The following HDHD3 variants were observed in gnomAD, a reference collection of about 807,000 sequenced individuals.
The protein encoded by HDHD3 is haloacid dehalogenase-like hydrolase domain-containing protein 3.
HDHD3 carries 6 observed loss-of-function variants against 6.9 expected under a neutral mutation model. That is an observed-to-expected ratio of 0.87 (90% confidence interval 0.48 to 1.72). The LOEUF (loss-of-function observed/expected upper bound fraction) is 1.72, where lower values mean the gene tolerates loss of function less well. Ranked by LOEUF, HDHD3 falls within the 40% of genes most tolerant of loss-of-function variation. The probability of loss-of-function intolerance (pLI) is 0.01; values close to 1 mark genes in which losing one functional copy is unlikely to be tolerated. For missense variants in HDHD3, 308 were observed against 327.4 expected (o/e 0.94, Z 0.46); for synonymous variants, 139 against 140.7 (o/e 0.99, Z 0.08).
At chr9:113,376,598 C>CCCCCCCCCCCCCCCCCCG (rs1834471994) in intron 1 of HDHD3, 131 bp downstream of exon 1, 1 of 148,778 alleles carries the variant, frequency 6.7e-6, no homozygotes, top group African/African-American at 2.5e-5. Context: ...CCTCCCCCGC[C>CCCCCCCCCCCCCCCCCCG]CCACCCCGCC....
At position 113,373,741 on chromosome 9, in the gene HDHD3, C is replaced by T; in HGVS notation, c.614G>A (p.Gly205Asp). The change falls in exon 3 of 3, where the codon GGC (glycine) becomes GAC (aspartate). Residue 205 changes from glycine to aspartate, a missense_variant. Physicochemically the swap from Gly to Asp is moderately conservative, Grantham distance 94. Transcript: ENST00000374180. Reference protein sequence around the residue: ...LCDYQGPRAVGMHSFLVVGPQ... With the variant: ...LCDYQGPRAVDMHSFLVVGPQ... The stretch of plus-strand genomic sequence containing the variant: ...GCCAACCACCAGGAAGCTGTGCATG[C>T]CCACAGCCCGAGGCCCCTGGTAATC... 1.2e-6 allele frequency: 2 copies of T among 1,613,858 alleles called. No individual in the cohort carries two copies. The highest frequency in any genetic ancestry group is 1.7e-6 in the Non-Finnish European group (2 of 1,179,836).
intron 2 of HDHD3, among the ~76,000 whole-genome samples, chr9:113,374,874 A>G (rs776581602): frequency 2.0e-5 from 3 of 151,032 alleles, no homozygotes; most frequent in African/African-American, 7.3e-5. Context: ...CTTTTTATTT[A>G]TTTTTTTTAA....
Position 113,373,520 on chromosome 9 carries a change from A to G in HDHD3, c.*79T>C. The stretch of plus-strand genomic sequence containing the variant: ...GGGGGAAAGGTCCAGAGCTGTGGAG[A>G]AAGAAGGGGCTCCCTGTCTCCAGGG... On this transcript the variant is annotated 3_prime_UTR_variant, in exon 3 of 3. Transcript: ENST00000374180. 6.9e-7 allele frequency: 1 copy of G among 1,443,384 alleles called. No homozygotes were observed. Among genetic ancestry groups the G allele is most frequent in the Non-Finnish European group, 9.3e-7 (1 of 1,079,762 alleles). The allele number at this position is 1,443,384 out of a possible 1,614,324, so 89.4% of individuals were successfully genotyped here.
At chr9:113,375,682 T>G (rs948704120) in intron 1 of HDHD3, 115 bp from the exon 2 acceptor site, 2 of 152,308 alleles carry the variant, frequency 1.3e-5, no homozygotes, top group Non-Finnish European at 2.9e-5. Flanking sequence ...GGAGGAGAGC[T>G]GATGAGAGAA....
In HDHD3 at chr9:113,373,916, C is replaced by T; in HGVS notation, c.439G>A (p.Gly147Ser). 1.9e-6 allele frequency: 3 copies of T among 1,614,230 alleles called. No individual in the cohort carries two copies. The highest frequency in any genetic ancestry group is 2.5e-6 in the Non-Finnish European group (3 of 1,180,044). Residue 147 changes from glycine (G) to serine (S), a missense_variant, in exon 3 of 3, where the codon GGC (glycine) becomes AGC (serine). By Grantham distance (56) the Gly-to-Ser change is moderately conservative. Transcript: ENST00000374180. ...FDRRLEGILGGLGLREHFDFV... is the reference protein window; with the variant it reads ...FDRRLEGILGSLGLREHFDFV... ...TCGAAGTGTTCACGCAGGCCAAGGC[C>T]CCCCAGGATGCCCTCTAGCCGTCGG...
rs2118946600 is a variant in HDHD3, at chr9:113,373,437, T to G, written c.*162A>C. The G allele has an allele frequency of 1.5e-6, 1 of 668,306 alleles. No individual in the cohort carries two copies. Among genetic ancestry groups the G allele is most frequent in the South Asian group, 2.8e-5 (1 of 36,036 alleles). The allele number at this position is 668,306 out of a possible 1,614,324, so 41.4% of individuals were successfully genotyped here. ...TAGGAGCTGGTTAGTGGGGGAAGGG[T>G]GAGAGCTCAGCACTCACTGCTTTAT... On this transcript the variant is annotated 3_prime_UTR_variant, in exon 3 of 3. Transcript: ENST00000374180.
chr9:113,374,426 A>G lies in HDHD3; in HGVS notation c.-72T>C, dbSNP rs1353064138. ...GTCCCAGGGGAAGCTGAGCTGGATA[A>G]GACCACCTCTGCGCAACCTAACAAT... On this transcript the variant is annotated 5_prime_UTR_variant, in exon 3 of 3. Transcript: ENST00000374180. 3 of 1,399,152 alleles carry G rather than the reference A, an allele frequency of 2.1e-6. No homozygotes were observed. The East Asian group carries it at 7.1e-5, about 33-fold the overall frequency. 86.7% of individuals were successfully genotyped at this position (1,399,152 alleles called of 1,614,324 possible).
chr9:113,376,549 A>G (rs1215677550), intron 1 of HDHD3, among the ~76,000 whole-genome samples, 180 bp downstream of exon 1: 2 of 146,558 alleles, frequency 1.4e-5, no homozygotes, highest in African/African-American at 2.6e-5. Flanking sequence ...GGTTTCAACT[A>G]TGTTAGCCAG....
Position 113,374,492 on chromosome 9 carries a change from C to T in HDHD3, c.-138G>A. On this transcript the variant is annotated 5_prime_UTR_variant, in exon 3 of 3. The change abolishes an upstream ATG in the 5' untranslated region. Coordinates refer to ENST00000374180, the MANE Select transcript of HDHD3 (RefSeq NM_001304509.2). ...CTTGTGGGTCAGATTTGCTGGCTAA[C>T]ATGAAGCACTTGGGAAATGTCTTCA... 1.5e-6 allele frequency: 1 copy of T among 679,968 alleles called. No individual in the cohort carries two copies. Among genetic ancestry groups the T allele is most frequent in the Non-Finnish European group, 2.2e-6 (1 of 447,456 alleles). 42.1% of individuals were successfully genotyped at this position (679,968 alleles called of 1,614,324 possible). A position where few individuals can be genotyped will look rare whatever the true frequency, so the allele number is the denominator to read the frequency against.
At chr9:113,376,125 C>T (rs1834454619) in intron 1 of HDHD3, 1 of 144,578 alleles carries the variant, frequency 6.9e-6, no homozygotes, top group South Asian at 2.2e-4. Context: ...GGCGCGATCT[C>T]GGCTCACTGC....
At chr9:113,374,908 C>G (rs1481348603) in intron 2 of HDHD3, among the ~76,000 whole-genome samples, 2 of 149,052 alleles carry the variant, frequency 1.3e-5, no homozygotes, top group Non-Finnish European at 3.0e-5. Flanking sequence ...CAGGGTCTCT[C>G]TCTGTCTCCC....
rs763106655 is a variant in HDHD3 at position 113,374,123 on chromosome 9, C to T, written c.232G>A (p.Val78Met). ...GLTSRQWWLD[V>M]VLQTFHLAGV... The stretch of plus-strand genomic sequence containing the variant: ...GCCAGGTGGAAGGTCTGCAGGACCA[C>T]ATCCAGCCACCACTGGCGGGAGGTT... The change falls in exon 3 of 3, where the codon GTG becomes ATG. Residue 78 changes from valine (V) to methionine (M), a missense_variant. Transcript: ENST00000374180. The T allele has an allele frequency of 6.2e-7, 1 of 1,600,580 alleles. No individual in the cohort carries two copies.
intron 1 of HDHD3, 152 bp from the exon 2 acceptor site, chr9:113,375,719 ACT>A (rs1834443164): frequency 6.6e-6 from 1 of 152,192 alleles, no homozygotes; most frequent in African/African-American, 2.4e-5. Flanking sequence ...GAAACAAGTG[ACT>A]CAGCCTGCTA....
intron 1 of HDHD3, among the ~76,000 whole-genome samples, 184 bp downstream of exon 1, chr9:113,376,544 CA>C (rs371783347): frequency 0.24 from 29,669 of 121,396 alleles, 3,892 homozygotes; most frequent in East Asian, 0.43. Context: ...GACGGGGTTT[CA>C]ACTATGTTAG....
chr9:113,374,171 T>C lies in HDHD3; in HGVS notation c.184A>G (p.Asn62Asp), dbSNP rs199533103. ...GTTAGGCCGTGGCTCAGGCCGTAGT[T>C]GGGGAAGCTGTGGCTCTGAGCCCTG... ...AYRAQSHSFP[N>D]YGLSHGLTSR... The change falls in exon 3 of 3, where the codon AAC becomes GAC. Residue 62 changes from asparagine to aspartate, a missense_variant. Asn to Asp is a conservative substitution (Grantham distance 23, BLOSUM62 1). Transcript: ENST00000374180. 6.3e-7 allele frequency: 1 copy of C among 1,596,526 alleles called. No individual in the cohort carries two copies.
Position 113,374,215 on chromosome 9 carries a change from T to C in HDHD3, c.140A>G (p.Gln47Arg), listed in dbSNP as rs868499644. Reference sequence around the variant, plus strand: ...AGCCCTGTATGCCTGCCTGAAGCCTTGTTCCAGGGCTGAGGGCTCCACCTC... The same window carrying C: ...AGCCCTGTATGCCTGCCTGAAGCCTCGTTCCAGGGCTGAGGGCTCCACCTC... The part of the protein sequence containing the change: ...GLEVEPSALE[Q>R]GFRQAYRAQS... The change falls in exon 3 of 3, where the codon CAA becomes CGA. Residue 47 changes from glutamine to arginine, a missense_variant. Physicochemically the swap from Gln to Arg is conservative, Grantham distance 43 (BLOSUM62 1). Coordinates refer to ENST00000374180, the MANE Select transcript of HDHD3 (RefSeq NM_001304509.2). 2 of 1,607,582 alleles carry C rather than the reference T, an allele frequency of 1.2e-6. No homozygotes were observed. The highest frequency in any genetic ancestry group is 2.7e-5 in the African/African-American group (2 of 74,952).
At chr9:113,375,222 T>A (rs763978338) in intron 2 of HDHD3, among the ~76,000 whole-genome samples, 1 of 152,168 alleles carries the variant, frequency 6.6e-6, no homozygotes, top group Non-Finnish European at 1.5e-5. Context: ...AGAATGAATG[T>A]GCAAGAAGCA....
chr9:113,375,659 T>C (rs1385598467), intron 1 of HDHD3, 92 bp from the exon 2 acceptor site: 2 of 152,388 alleles, frequency 1.3e-5, no homozygotes, highest in Non-Finnish European at 2.9e-5. Context: ...CTGGAGGTAA[T>C]AACACTGGCC....
At chr9:113,375,392 T>A (rs1012141408) in intron 2 of HDHD3, 61 bp downstream of exon 2, 19 of 152,234 alleles carry the variant, frequency 1.2e-4, no homozygotes, top group African/African-American at 4.3e-4. Flanking sequence ...TTGCAGAGCA[T>A]ATGAACGATA....
Sources: allele counts gnomAD v4.1 joint callset (sites outside exome capture counted in the v4.1 genomes callset), GRCh38; gene constraint gnomAD v4.1.1; transcripts MANE v1.5; gene names NCBI Gene and HGNC (gene_info 2026-07-23, HGNC 2026-07-21).